Variants in PARP9 observed in about 807,000 individuals in gnomAD.
PARP9 encodes poly(ADP-ribose) polymerase family member 9, also known as protein mono-ADP-ribosyltransferase PARP9.
A neutral mutation model predicts 68.8 loss-of-function variants in PARP9; 48 were observed. That is an observed-to-expected ratio of 0.70 (90% CI 0.55 to 0.89). PARP9 has a LOEUF of 0.89. PARP9 is among the 40% of genes least tolerant of loss of function. The pLI, the probability that PARP9 is intolerant of heterozygous loss-of-function variation, is 0.00. For missense variants in PARP9, 806 were observed against 969.3 expected, an observed-to-expected ratio of 0.83 and a Z score of 2.24; for synonymous variants, 309 against 333.8, an observed-to-expected ratio of 0.93 and a Z score of 0.81.
chr3:122,533,723 C>G (rs1397558951), intron 10 of PARP9: 1 of 985,212 alleles, frequency 1.0e-6, no homozygotes, highest in Admixed American at 6.2e-5. Context: ...GTGTAGATGC[C>G]TTCTTGCTGC....
At chr3:122,542,232 TCTC>T (rs1186293271) in intron 7 of PARP9, among the ~76,000 whole-genome samples, 41 of 147,940 alleles carry the variant, frequency 2.8e-4, no homozygotes, top group African/African-American at 7.4e-4. Flanking sequence ...ACCCCTTTCT[TCTC>T]CTCCTCCTCC....
chr3:122,547,013 T>TATATATATAC (rs1491341009), intron 6 of PARP9, among the ~76,000 whole-genome samples: 9 of 61,438 alleles, frequency 1.5e-4, no homozygotes, highest in South Asian at 5.2e-4. Context: ...TATATATATA[T>TATATATATAC]ACACACACAC....
chr3:122,563,838 G>C (rs536767891), intron 1 of PARP9, among the ~76,000 whole-genome samples: 2 of 152,240 alleles, frequency 1.3e-5, no homozygotes, highest in Admixed American at 6.5e-5. Context: ...CTTGACATCA[G>C]GGCCTTGCTC....
At chr3:122,529,971 G>A (rs555866728) in intron 10 of PARP9, among the ~76,000 whole-genome samples, 2 of 151,780 alleles carry the variant, frequency 1.3e-5, no homozygotes, top group Admixed American at 6.6e-5. Flanking sequence ...TGGGTGGATC[G>A]CTTAAGCCCA....
chr3:122,552,393 A>T (rs201154686), intron 5 of PARP9, 25 bp downstream of exon 5: 16 of 1,549,588 alleles, frequency 1.0e-5, no homozygotes, highest in African/African-American at 2.7e-5. Context: ...GGAGCTAAAT[A>T]AAGCCACATT....
In PARP9 at chr3:122,536,288, T is replaced by C. The variant is rs764123617; in HGVS notation, c.1960A>G (p.Met654Val). The change falls in exon 10 of 11, where the codon ATG (methionine) becomes GTG (valine). Residue 654 changes from methionine to valine, a missense_variant. This residue lies in a region of PARP9 where 680 missense variants were observed against 858.8 expected (regional missense o/e 0.79). Transcript: ENST00000682323. Reference sequence around the variant, plus strand: ...TGCCTGTGCAGTTTTTCTTCCATCATTTTCTTCTTTCTTTGAAAGGCAGCC... The same window carrying C: ...TGCCTGTGCAGTTTTTCTTCCATCACTTTCTTCTTTCTTTGAAAGGCAGCC... The part of the protein sequence containing the change: ...LMAAFQRKKK[M>V]MEEKLHRQPV... 2 of 1,614,118 alleles carry C rather than the reference T, an allele frequency of 1.2e-6. No homozygotes were observed. The highest frequency in any genetic ancestry group is 2.7e-5 in the African/African-American group (2 of 74,944).
chr3:122,534,354 AAT>A (rs2077494974), intron 10 of PARP9: 1 of 985,310 alleles, frequency 1.0e-6, no homozygotes, highest in African/African-American at 1.7e-5. Flanking sequence ...CAAGGGCCAC[AAT>A]ATATAAGGAA....
rs771068460 is a variant in PARP9 at position 122,549,783 on chromosome 3, T to A, written c.1326+801A>T. Among the ~76,000 whole-genome samples, 119 of 145,510 alleles carry A rather than the reference T, an allele frequency of 8.2e-4. 1 individual carries two copies. Among genetic ancestry groups the A allele is most frequent in the Non-Finnish European group, 8.3e-4 (55 of 65,896 alleles). ...GCAACAGAGCAAGATCACATCTGTT[T>A]AAAAAAAAAAAGAGAGAGAGAGAGA... On this transcript the variant is annotated intron_variant, in intron 6 of 10. Transcript: ENST00000682323.
At chr3:122,548,592 G>A (rs1300923478) in intron 6 of PARP9, among the ~76,000 whole-genome samples, 1 of 152,150 alleles carries the variant, frequency 6.6e-6, no homozygotes, top group African/African-American at 2.4e-5. Context: ...TACTTTAAAG[G>A]CAGAACAGCA....
chr3:122,548,975 C>G (rs943056804), intron 6 of PARP9, among the ~76,000 whole-genome samples: 1 of 151,970 alleles, frequency 6.6e-6, no homozygotes, highest in African/African-American at 2.4e-5. Context: ...ACCTTCTACT[C>G]TGTGCTAGGT....
At chr3:122,555,027 A>G (rs1307890527) in intron 4 of PARP9, among the ~76,000 whole-genome samples, 1 of 152,028 alleles carries the variant, frequency 6.6e-6, no homozygotes, top group East Asian at 1.9e-4. Flanking sequence ...TATTTTAAAA[A>G]AAAACTTAAA....
At chr3:122,550,175 G>A (rs1199793672) in intron 6 of PARP9, among the ~76,000 whole-genome samples, 1 of 152,118 alleles carries the variant, frequency 6.6e-6, no homozygotes, top group African/African-American at 2.4e-5. Context: ...CGCCTCCCAG[G>A]TTCAAGCTAT....
At chr3:122,534,309 A>G (rs2077491953) in intron 10 of PARP9, 7 of 982,978 alleles carry the variant, frequency 7.1e-6, no homozygotes, top group Non-Finnish European at 8.5e-6. Context: ...GAGAAAATCC[A>G]TGGCTCCCTG....
At chr3:122,559,581 A>G (rs767947375) in intron 2 of PARP9, 25 bp downstream of exon 2, 1 of 1,580,368 alleles carries the variant, frequency 6.3e-7, no homozygotes, top group Non-Finnish European at 8.6e-7. Context: ...AAGGTTCATG[A>G]CGTATACACA....
At chr3:122,547,390 C>T (rs1200637057) in intron 6 of PARP9, among the ~76,000 whole-genome samples, 6 of 151,978 alleles carry the variant, frequency 3.9e-5, no homozygotes, top group Non-Finnish European at 7.4e-5. Flanking sequence ...CCACCAAGCC[C>T]GGCCCCCTAC....
chr3:122,558,030 C>T lies in PARP9; in HGVS notation c.49+404G>A, dbSNP rs988819281. Reference sequence around the variant, plus strand: ...CCTCTTGTGGCCTCAATTACCCAAACGAAGCCGGAATTGGGTAGTCAGGCC... The same window carrying T: ...CCTCTTGTGGCCTCAATTACCCAAATGAAGCCGGAATTGGGTAGTCAGGCC... On this transcript the variant is annotated intron_variant, in intron 3 of 10. Coordinates refer to ENST00000682323, the MANE Select transcript of PARP9 (RefSeq NM_001146105.2). Among the ~76,000 whole-genome samples the T allele has an allele frequency of 3.9e-5, 6 of 152,204 alleles. No homozygotes were observed. In the South Asian group the frequency reaches 8.3e-4, roughly 21 times the overall value.
chr3:122,532,013 G>T, intron 10 of PARP9: 1 of 434,598 alleles, frequency 2.3e-6, no homozygotes, highest in Non-Finnish European at 3.1e-6. Flanking sequence ...GCAGAACAAT[G>T]GAAATCTCGG....
At chr3:122,555,164 G>A in intron 4 of PARP9, 122 bp downstream of exon 4, 3 of 1,014,166 alleles carry the variant, frequency 3.0e-6, no homozygotes, top group Non-Finnish European at 4.3e-6. Context: ...CACTGCATCT[G>A]GCTCATATTC....
intron 1 of PARP9, among the ~76,000 whole-genome samples, chr3:122,560,622 G>A (rs1024091223): frequency 1.3e-5 from 2 of 152,110 alleles, no homozygotes; most frequent in Admixed American, 6.5e-5. Flanking sequence ...TCCTGACCTC[G>A]TGATCTACCC....
Sources: gnomAD v4.1 joint callset for allele counts (sites outside exome capture counted in the v4.1 genomes callset) on GRCh38, gnomAD v4.1.1 for gene constraint, gnomAD v4.1.1 regional missense constraint, MANE v1.5 for transcripts, NCBI Gene and HGNC (gene_info 2026-07-23, HGNC 2026-07-21) for gene names.